The following ZNF518A variants were observed in gnomAD, a reference collection of about 807,000 sequenced individuals.
ZNF518A encodes the protein zinc finger protein 518A.
In ZNF518A, 47 loss-of-function variants were observed where a neutral mutation model predicts 102.7. That is an observed-to-expected ratio of 0.46 (90% confidence interval 0.36 to 0.58). The LOEUF (loss-of-function observed/expected upper bound fraction) is 0.58. Ranked by LOEUF, ZNF518A falls within the 20% of genes least tolerant of loss-of-function variation. The pLI, the probability that ZNF518A is intolerant of heterozygous loss-of-function variation, is 0.00. For missense variants in ZNF518A, 1,793 were observed against 1,699.8 expected, an observed-to-expected ratio of 1.05 and a Z score of -0.96; for synonymous variants, 652 against 594.6, an observed-to-expected ratio of 1.10 and a Z score of -1.40.
intron 3 of ZNF518A, among the ~76,000 whole-genome samples, chr10:96,145,581 C>T (rs142113759): frequency 4.5e-4 from 69 of 152,268 alleles, no homozygotes; most frequent in African/African-American, 1.6e-3. Context: ...TTAACTTTGA[C>T]GCTTGTGTTA....
At chr10:96,172,420 G>A (rs971197437) in intron 1 of ZNF518A, among the ~76,000 whole-genome samples, 8 of 151,732 alleles carry the variant, frequency 5.3e-5, no homozygotes, top group Non-Finnish European at 5.9e-5. Context: ...AAATAAGAAG[G>A]CTCATATGAA....
At chr10:96,144,381 T>A (rs930391022) in intron 3 of ZNF518A, among the ~76,000 whole-genome samples, 1 of 152,226 alleles carries the variant, frequency 6.6e-6, no homozygotes, top group Admixed American at 6.5e-5. Context: ...TATAATTTCA[T>A]GTGGATGTTC....
chr10:96,165,234 C>T (rs1554889919), downstream of ZNF518A, among the ~76,000 whole-genome samples: 3 of 152,114 alleles, frequency 2.0e-5, no homozygotes, highest in South Asian at 6.2e-4. Context: ...AGTACCGCTC[C>T]TGTAGTGGGA....
chr10:96,204,505 C>G (rs2242136), downstream of ZNF518A: 39,169 of 1,608,792 alleles, frequency 0.024, 3,280 homozygotes, highest in East Asian at 0.34. Context: ...CAAGAGGAAA[C>G]TGATCTTTAA....
rs10675397 is a variant in ZNF518A, at chr10:96,150,743, C to CTTTTTTT, written c.-301-4569_-301-4563dup. ...TTATTGCAGCAACTTTCTTTCTTTC[C>CTTTTTTT]TTTTTTTTTTTTTTTTTTTTGGAGA... On this transcript the variant is annotated intron_variant, in intron 3 of 5. Transcript: ENST00000316045. Among the ~76,000 whole-genome samples the CTTTTTTT allele has an allele frequency of 6.0e-3, 183 of 30,286 alleles. 69 individuals carry two copies. The highest frequency in any genetic ancestry group is 0.014 in the African/African-American group (106 of 7,380). The allele number at this position is 30,286 out of a possible 152,430, so 19.9% of individuals were successfully genotyped here.
At chr10:96,194,767 A>AT (rs2083415785) in intron 1 of ZNF518A, among the ~76,000 whole-genome samples, 1 of 63,364 alleles carries the variant, frequency 1.6e-5, no homozygotes, top group African/African-American at 4.2e-5. Flanking sequence ...GAGAAATGCA[A>AT]ATTTTTTTTT....
In ZNF518A at chr10:96,157,151, C is replaced by G. The variant is rs372266917; in HGVS notation, c.829C>G (p.Leu277Val). ...CTATGGTGCCACCAGGAGAGAACAC[C>G]TTGTAAGACATGTTATAACTTTGCA... The part of the protein sequence containing the change: ...CSYGATRREH[L>V]VRHVITLHKE... Residue 277 changes from leucine (L) to valine (V), a missense_variant, in exon 6 of 6, where the codon CTT becomes GTT. Leu to Val is a conservative substitution (Grantham distance 32, BLOSUM62 1). Coordinates refer to ENST00000316045, the MANE Select transcript of ZNF518A (RefSeq NM_001330736.2). 3.1e-6 allele frequency: 5 copies of G among 1,613,522 alleles called. 1 individual carries two copies. The highest frequency in any genetic ancestry group is 3.3e-4 in the Middle Eastern group (2 of 6,062).
rs782803560 is a variant in ZNF518A, at chr10:96,158,566, T to A, written c.2244T>A (p.Ser748=). The change falls in exon 6 of 6, where the codon TCT becomes TCA. Residue 748 remains serine, a synonymous_variant. Transcript: ENST00000316045. ...ATTTAGAGTGTGCGACTGAAAAATCTAAATGGGAAGACTTTTCTAATGTCG... is the reference window on the plus strand; with the variant it reads ...ATTTAGAGTGTGCGACTGAAAAATCAAAATGGGAAGACTTTTCTAATGTCG... ...NQNLECATEK[S]KWEDFSNVDS... is the part of the protein sequence containing the mutation. 6 of 1,613,134 alleles carry A rather than the reference T, an allele frequency of 3.7e-6. No individual in the cohort carries two copies. In the Admixed American group the frequency reaches 8.4e-5, roughly 22 times the overall value.
rs587686853 is a variant in ZNF518A, at chr10:96,181,861, C to T, written n.36-21713C>T. ...CATATGAACTCTAAAATAATTTTTC[C>T]AGTTCTGTGAAGAAAGTCATTGGTA... On this transcript the variant is annotated intron_variant and non_coding_transcript_variant, in intron 1 of 2. Transcript: ENST00000442635. Among the ~76,000 whole-genome samples the T allele has an allele frequency of 3.3e-4, 50 of 152,174 alleles. No individual in the cohort carries two copies. The South Asian group carries it at 0.01, about 31-fold the overall frequency.
intron 1 of ZNF518A, among the ~76,000 whole-genome samples, chr10:96,176,965 C>A (rs1353994103): frequency 6.6e-6 from 1 of 151,814 alleles, no homozygotes; most frequent in East Asian, 1.9e-4. Flanking sequence ...GTAGTCCCAG[C>A]TACTTCAGTG....
chr10:96,204,077 T>G, exon 3 of ZNF518A: 1 of 1,613,974 alleles, frequency 6.2e-7, no homozygotes, highest in Non-Finnish European at 8.5e-7. Flanking sequence ...TATGGGTTTT[T>G]GGTGGATTTG....
rs140531441 is a variant in ZNF518A, at chr10:96,173,280, C to T, written n.35+17233C>T. Among the ~76,000 whole-genome samples, 10 of 151,956 alleles carry T rather than the reference C, an allele frequency of 6.6e-5. No individual in the cohort carries two copies. The East Asian group carries it at 1.5e-3, about 23-fold the overall frequency. ...AGGTACAAACCAGGGCTTTTTACAA[C>T]CCCTGACCAAGAGAGCTGATTTCAC... is the stretch of plus-strand genomic sequence containing the variant. On this transcript the variant is annotated intron_variant and non_coding_transcript_variant, in intron 1 of 2. Coordinates refer to the ZNF518A transcript ENST00000442635.
rs879959155 is a variant in ZNF518A at position 96,156,012 on chromosome 10, A to G, written c.-162A>G. 1 of 166,260 alleles carries G rather than the reference A, an allele frequency of 6.0e-6. No individual in the cohort carries two copies. Among genetic ancestry groups the G allele is most frequent in the Non-Finnish European group, 1.3e-5 (1 of 77,760 alleles). 10.3% of individuals were successfully genotyped at this position (166,260 alleles called of 1,614,324 possible). On this transcript the variant is annotated 5_prime_UTR_variant, in exon 5 of 6. Transcript: ENST00000316045. ...AGAGCTTGCATTTCCTGACTTCCAG[A>G]TTAGTGTTATTTTTACTTCAAACTA...
intron 1 of ZNF518A, among the ~76,000 whole-genome samples, chr10:96,187,700 G>A (rs587685359): frequency 1.3e-5 from 2 of 152,262 alleles, no homozygotes; most frequent in South Asian, 4.2e-4. Flanking sequence ...CTGGGGTGTG[G>A]TTTTTTTCCT....
chr10:96,180,159 C>T (rs1280946608), intron 1 of ZNF518A, among the ~76,000 whole-genome samples: 1 of 146,332 alleles, frequency 6.8e-6, no homozygotes, highest in Non-Finnish European at 1.5e-5. Context: ...GGGTTACAGG[C>T]ATGAACCACA....
At chr10:96,139,145 G>T (rs1321969965) in intron 3 of ZNF518A, among the ~76,000 whole-genome samples, 1 of 152,062 alleles carries the variant, frequency 6.6e-6, no homozygotes, top group Non-Finnish European at 1.5e-5. Context: ...AGAATCTGTG[G>T]CAGCTTGTTG....
chr10:96,181,748 GTA>G (rs1405440933), intron 1 of ZNF518A, among the ~76,000 whole-genome samples: 1 of 152,188 alleles, frequency 6.6e-6, no homozygotes, highest in Non-Finnish European at 1.5e-5. Context: ...TAGCCTTGTA[GTA>G]TAGTTTGAAG....
At chr10:96,201,565 A>G (rs2083635466) in intron 1 of ZNF518A, among the ~76,000 whole-genome samples, 1 of 152,246 alleles carries the variant, frequency 6.6e-6, no homozygotes, top group South Asian at 2.1e-4. Context: ...TTAAAATACT[A>G]GGTATCAATA....
chr10:96,194,863 C>T (rs1215871386), intron 1 of ZNF518A, among the ~76,000 whole-genome samples: 1 of 149,492 alleles, frequency 6.7e-6, no homozygotes, highest in Non-Finnish European at 1.5e-5. Flanking sequence ...CTCCGCCTCC[C>T]GGGTTCACGC....
Sources: gnomAD v4.1 joint callset for allele counts (sites outside exome capture counted in the v4.1 genomes callset) on GRCh38, gnomAD v4.1.1 for gene constraint, MANE v1.5 for transcripts, NCBI Gene and HGNC (gene_info 2026-07-23, HGNC 2026-07-21) for gene names.